Variants in TESK2 observed in about 807,000 individuals in gnomAD.
TESK2 encodes the protein dual specificity testis-specific protein kinase 2.
Under a neutral mutation model 57.1 loss-of-function variants are expected in TESK2, and 39 were observed. That is an observed-to-expected ratio of 0.68 (90% CI 0.53 to 0.89). The LOEUF is 0.89. Among genes scored for constraint, TESK2 ranks in the 40% least tolerant of loss-of-function variants. The probability of loss-of-function intolerance (pLI) is 0.00; values close to 1 mark genes in which losing one functional copy is unlikely to be tolerated. For missense variants in TESK2, 646 were observed against 732.1 expected (o/e 0.88, Z 1.36); for synonymous variants, 249 against 267.9 (o/e 0.93, Z 0.69).
At chr1:45,352,204 T>G (rs943143871) in intron 5 of TESK2, among the ~76,000 whole-genome samples, 1 of 152,194 alleles carries the variant, frequency 6.6e-6, no homozygotes, top group African/African-American at 2.4e-5. Context: ...AGCCTTCCTC[T>G]AGAGTTTGCA....
intron 2 of TESK2, among the ~76,000 whole-genome samples, chr1:45,428,442 G>T (rs1440158145): frequency 6.6e-6 from 1 of 152,014 alleles, no homozygotes; most frequent in Non-Finnish European, 1.5e-5. Context: ...CTCACAACAT[G>T]GTCTTGTAAT....
At chr1:45,425,307 T>C (rs1650642903) in intron 2 of TESK2, among the ~76,000 whole-genome samples, 1 of 152,172 alleles carries the variant, frequency 6.6e-6, no homozygotes, top group Admixed American at 6.6e-5. Context: ...CAATTTATAG[T>C]AGCTCCAAAT....
chr1:45,453,368 G>T (rs1651954237), intron 2 of TESK2, among the ~76,000 whole-genome samples: 1 of 148,338 alleles, frequency 6.7e-6, no homozygotes, highest in Admixed American at 6.7e-5. Context: ...AAAAAAGAGA[G>T]AGAGAGAGAT....
At chr1:45,349,963 G>A (rs1406240925) in intron 5 of TESK2, among the ~76,000 whole-genome samples, 1 of 152,114 alleles carries the variant, frequency 6.6e-6, no homozygotes, top group African/African-American at 2.4e-5. Flanking sequence ...CCAACATGGT[G>A]AAACCCTGTC....
intron 9 of TESK2, 118 bp downstream of exon 9, chr1:45,346,575 A>T (rs184586466): frequency 7.7e-6 from 6 of 783,936 alleles, no homozygotes; most frequent in Non-Finnish European, 1.1e-5. Context: ...GGTTGCTGTC[A>T]CTACAGTGAA....
intron 4 of TESK2, among the ~76,000 whole-genome samples, chr1:45,364,207 T>C (rs1647811873): frequency 6.6e-6 from 1 of 152,148 alleles, no homozygotes. Context: ...AAGGTAACTA[T>C]AAATGTGACC....
chr1:45,344,714 T>A lies in TESK2; in HGVS notation c.*126A>T. ...CAATGGGCACTGGGAGCCCAGAAGT[T>A]GAGCCTGGCTTGGCCTAGCCTGCCT... is the stretch of plus-strand genomic sequence containing the variant. On this transcript the variant is annotated 3_prime_UTR_variant, in exon 11 of 11. Transcript: ENST00000372086. 2 of 897,526 alleles carry A rather than the reference T, an allele frequency of 2.2e-6. No homozygotes were observed. Among genetic ancestry groups the A allele is most frequent in the South Asian group, 3.5e-5 (2 of 57,766 alleles). The allele number at this position is 897,526 out of a possible 1,614,324, so 55.6% of individuals were successfully genotyped here.
chr1:45,413,694 T>C (rs1650125746), intron 3 of TESK2: 1 of 231,096 alleles, frequency 4.3e-6, no homozygotes, highest in Non-Finnish European at 9.1e-6. Flanking sequence ...AAAGTGCAAC[T>C]GTTCTGACTA....
Position 45,474,328 on chromosome 1 carries a change from CA to C in TESK2, c.-86-16458del, listed in dbSNP as rs982465289. 8.6e-5 allele frequency among the ~76,000 whole-genome samples: 13 copies of C among 151,196 alleles called. No individual in the cohort carries two copies. In the East Asian group the frequency reaches 9.8e-4, roughly 11 times the overall value. ...TGGGTGATGGAGTGAGATTCGGTCT[CA>C]AAAAAAAATTTTCTGGGCCATGCAC... is the stretch of plus-strand genomic sequence containing the variant. On this transcript the variant is annotated intron_variant, in intron 1 of 10. Coordinates refer to ENST00000372086, the MANE Select transcript of TESK2 (RefSeq NM_007170.3).
chr1:45,414,877 G>T (rs1193168752), intron 3 of TESK2: 2 of 374,774 alleles, frequency 5.3e-6, no homozygotes, highest in Non-Finnish European at 1.0e-5. Context: ...GGTTCTATTG[G>T]ACAGCAATGC....
chr1:45,471,128 G>A (rs1038748055), intron 1 of TESK2, among the ~76,000 whole-genome samples: 5 of 152,048 alleles, frequency 3.3e-5, no homozygotes, highest in African/African-American at 1.2e-4. Context: ...CTACTCAGGA[G>A]GCTGAGGCAG....
chr1:45,397,673 C>T (rs1338800642), intron 3 of TESK2, among the ~76,000 whole-genome samples: 2 of 152,188 alleles, frequency 1.3e-5, no homozygotes, highest in African/African-American at 4.8e-5. Context: ...ACAGGCACCA[C>T]CTGCATTCTC....
At chr1:45,438,325 A>G (rs1258988760) in intron 2 of TESK2, among the ~76,000 whole-genome samples, 1 of 152,020 alleles carries the variant, frequency 6.6e-6, no homozygotes, top group Non-Finnish European at 1.5e-5. Context: ...GTGAAACCCC[A>G]TCTCTACTAA....
At chr1:45,348,241 C>T (rs1647175100) in intron 5 of TESK2, among the ~76,000 whole-genome samples, 1 of 152,204 alleles carries the variant, frequency 6.6e-6, no homozygotes, top group Non-Finnish European at 1.5e-5. Context: ...CACAATTACT[C>T]ATCTTTGCTT....
intron 4 of TESK2, among the ~76,000 whole-genome samples, chr1:45,380,478 G>C (rs1162233384): frequency 2.0e-4 from 30 of 152,106 alleles, no homozygotes; most frequent in Admixed American, 2.0e-3. Flanking sequence ...AATCTATCCA[G>C]AGGCATCTCT....
At chr1:45,394,228 C>T (rs1169055807) in intron 3 of TESK2, among the ~76,000 whole-genome samples, 1 of 151,480 alleles carries the variant, frequency 6.6e-6, no homozygotes, top group African/African-American at 2.4e-5. Context: ...ATCATAAGCT[C>T]GCTGCAGCCT....
At chr1:45,449,241 A>G (rs542263969) in intron 2 of TESK2, among the ~76,000 whole-genome samples, 1 of 151,972 alleles carries the variant, frequency 6.6e-6, no homozygotes, top group Non-Finnish European at 1.5e-5. Context: ...AAAAAGAAAA[A>G]AAAAAAGGAA....
intron 1 of TESK2, among the ~76,000 whole-genome samples, chr1:45,467,285 T>C (rs1178553795): frequency 6.6e-6 from 1 of 152,174 alleles, no homozygotes; most frequent in Non-Finnish European, 1.5e-5. Context: ...CTGGGTGTTA[T>C]TTATTATACT....
intron 1 of TESK2, among the ~76,000 whole-genome samples, chr1:45,461,438 A>G (rs1302277778): frequency 2.0e-5 from 3 of 152,170 alleles, no homozygotes; most frequent in African/African-American, 7.2e-5. Context: ...AGATGAAGTA[A>G]CTTGCTAAGG....
Sources: gnomAD v4.1 joint callset for allele counts (sites outside exome capture counted in the v4.1 genomes callset) on GRCh38, gnomAD v4.1.1 for gene constraint, MANE v1.5 for transcripts, NCBI Gene and HGNC (gene_info 2026-07-23, HGNC 2026-07-21) for gene names.